GNAQ: variants seen among roughly 807,000 people sequenced by gnomAD.
The protein encoded by GNAQ is G protein subunit alpha q.
In GNAQ, 8 loss-of-function variants were observed where a neutral mutation model predicts 43.9. The ratio of observed to expected loss-of-function variants is 0.18; its 90% CI spans 0.11 to 0.33. The LOEUF is 0.33. Among genes scored for constraint, GNAQ ranks in the 10% least tolerant of loss-of-function variants. GNAQ has a pLI of 1.00. For missense variants in GNAQ, 158 were observed against 450.8 expected, an observed-to-expected ratio of 0.35 and a Z score of 5.88; for synonymous variants, 155 against 170.7, an observed-to-expected ratio of 0.91 and a Z score of 0.71.
In GNAQ at chr9:78,031,748, T is replaced by C. The variant is rs1360939018; in HGVS notation, c.-513A>G. Among the ~76,000 whole-genome samples, 5 of 143,210 alleles carry C rather than the reference T, an allele frequency of 3.5e-5. No homozygotes were observed. Among genetic ancestry groups the C allele is most frequent in the Non-Finnish European group, 6.1e-5 (4 of 65,044 alleles). The allele number at this position is 143,210 out of a possible 152,430, so 94.0% of individuals were successfully genotyped here. On this transcript the variant is annotated 5_prime_UTR_variant, in exon 1 of 7. Coordinates refer to ENST00000286548, the MANE Select transcript of GNAQ (RefSeq NM_002072.5). ...CGCCTGACACGGCTCCCGGGCGCCC[T>C]CGGCCCTGTCCGCGCCCACCGCCCG...
At chr9:77,788,909 C>T (rs1419929850) in intron 5 of GNAQ, among the ~76,000 whole-genome samples, 1 of 152,162 alleles carries the variant, frequency 6.6e-6, no homozygotes, top group Non-Finnish European at 1.5e-5. Context: ...GATTTACTTC[C>T]TTCCATGGCA....
chr9:77,888,738 GA>G (rs1259131972), intron 2 of GNAQ, among the ~76,000 whole-genome samples: 3 of 152,132 alleles, frequency 2.0e-5, no homozygotes, highest in African/African-American at 7.2e-5. Flanking sequence ...TGAGGTTTAT[GA>G]GAAAGATGAG....
At chr9:77,916,444 A>G (rs1017899055) in intron 2 of GNAQ, among the ~76,000 whole-genome samples, 1 of 152,188 alleles carries the variant, frequency 6.6e-6, no homozygotes. Context: ...GTTTTCCAGA[A>G]TCCTGGCTAC....
At position 77,815,766 on chromosome 9, in the gene GNAQ, T is replaced by C. The variant is rs761095319; in HGVS notation, c.326A>G (p.His109Arg). 1.2e-6 allele frequency: 2 copies of C among 1,606,996 alleles called. No homozygotes were observed. The highest frequency in any genetic ancestry group is 1.3e-5 in the African/African-American group (1 of 74,512). The change falls in exon 3 of 7, where the codon CAT (histidine) becomes CGT (arginine). Residue 109 changes from histidine to arginine, a missense_variant. Physicochemically the swap from His to Arg is conservative, Grantham distance 29. Around this residue, in one of 9 missense-constraint regions of GNAQ, gnomAD observed 57 missense variants for 78.2 expected, o/e 0.73. Transcript: ENST00000286548. ...IPYKYEHNKAHAQLVREVDVE... is the reference protein window; with the variant it reads ...IPYKYEHNKARAQLVREVDVE... ...ATCAACTTCTCGAACTAATTGTGCA[T>C]GAGCCTGTTTAAATAAAAAAAGGCA...
At chr9:77,812,472 C>T (rs569380348) in intron 3 of GNAQ, among the ~76,000 whole-genome samples, 1 of 152,214 alleles carries the variant, frequency 6.6e-6, no homozygotes, top group South Asian at 2.1e-4. Flanking sequence ...TCAATGAGAT[C>T]CAGGAGCAAG....
chr9:78,020,172 A>C (rs1168469510), intron 1 of GNAQ, among the ~76,000 whole-genome samples: 1 of 152,110 alleles, frequency 6.6e-6, no homozygotes, highest in Admixed American at 6.5e-5. Context: ...GCCGTGGGAA[A>C]CTGAGAGCCA....
intron 1 of GNAQ, among the ~76,000 whole-genome samples, chr9:77,997,242 T>C (rs1421901803): frequency 6.6e-6 from 1 of 152,250 alleles, no homozygotes; most frequent in Non-Finnish European, 1.5e-5. Context: ...AGGTAACTTC[T>C]ATGAGTATTC....
intron 1 of GNAQ, among the ~76,000 whole-genome samples, chr9:77,991,197 AGGTG>A (rs1823502757): frequency 6.6e-6 from 1 of 152,248 alleles, no homozygotes; most frequent in African/African-American, 2.4e-5. Flanking sequence ...AAAGCAAAGC[AGGTG>A]GGTTTAAAAG....
chr9:77,776,633 C>G (rs185197982), intron 5 of GNAQ, among the ~76,000 whole-genome samples: 1 of 152,276 alleles, frequency 6.6e-6, no homozygotes, highest in Non-Finnish European at 1.5e-5. Flanking sequence ...GACAATTCAA[C>G]AACAGTTTGA....
At position 77,984,049 on chromosome 9, in the gene GNAQ, CAAAAAAAA is replaced by C. The variant is rs72279886; in HGVS notation, c.136+47043_136+47050del. On this transcript the variant is annotated intron_variant, in intron 1 of 6. Transcript: ENST00000286548. Reference sequence around the variant, plus strand: ...CATATGCAAGTAGAATTTTGGAGAGCAAAAAAAAAAAAAAAAAAAAAAAAAAATCACCT... The same window carrying C: ...CATATGCAAGTAGAATTTTGGAGAGCAAAAAAAAAAAAAAAAAAATCACCT... Among the ~76,000 whole-genome samples, 521 of 67,978 alleles carry C rather than the reference CAAAAAAAA, an allele frequency of 7.7e-3. 10 individuals are homozygous for C. Among genetic ancestry groups the C allele is most frequent in the African/African-American group, 0.028 (501 of 17,998 alleles). The allele number at this position is 67,978 out of a possible 152,430, so 44.6% of individuals were successfully genotyped here. A position where few individuals can be genotyped will look rare whatever the true frequency, so the allele number is the denominator to read the frequency against.
chr9:77,732,370 C>T (rs1825507496), intron 5 of GNAQ, among the ~76,000 whole-genome samples: 1 of 148,200 alleles, frequency 6.7e-6, no homozygotes, highest in African/African-American at 2.5e-5. Flanking sequence ...GGTCCCCCTC[C>T]CTGCCCACCC....
At chr9:77,762,446 G>T (rs1826056494) in intron 5 of GNAQ, among the ~76,000 whole-genome samples, 1 of 137,170 alleles carries the variant, frequency 7.3e-6, no homozygotes, top group African/African-American at 2.9e-5. Flanking sequence ...CCCCCCGCCT[G>T]GCCAGCCGCC....
At chr9:77,969,410 A>C (rs1823208938) in intron 1 of GNAQ, among the ~76,000 whole-genome samples, 1 of 152,204 alleles carries the variant, frequency 6.6e-6, no homozygotes, top group African/African-American at 2.4e-5. Flanking sequence ...TTACTGCCCA[A>C]GATCTTGCCT....
intron 5 of GNAQ, among the ~76,000 whole-genome samples, chr9:77,759,971 G>C (rs1825967044): frequency 6.9e-6 from 1 of 145,066 alleles, no homozygotes; most frequent in East Asian, 2.0e-4. Flanking sequence ...TGTTGCCCAG[G>C]CTGGTCTCAA....
At chr9:77,761,744 G>A (rs1826030562) in intron 5 of GNAQ, among the ~76,000 whole-genome samples, 4 of 70,582 alleles carry the variant, frequency 5.7e-5, no homozygotes, top group Admixed American at 4.7e-4. Context: ...CCCCCGCCCG[G>A]CCAGCCGCCC....
At chr9:78,006,948 T>C (rs1013357197) in intron 1 of GNAQ, among the ~76,000 whole-genome samples, 10 of 152,198 alleles carry the variant, frequency 6.6e-5, no homozygotes, top group African/African-American at 2.4e-4. Context: ...AAATGAGAGA[T>C]GAGCCAAGTA....
intron 1 of GNAQ, among the ~76,000 whole-genome samples, chr9:77,944,989 A>G (rs1447691710): frequency 6.6e-6 from 1 of 152,226 alleles, no homozygotes. Context: ...GAATTCAGCA[A>G]GGCGGCTGGG....
intron 2 of GNAQ, among the ~76,000 whole-genome samples, chr9:77,856,493 A>G (rs987332237): frequency 1.3e-5 from 2 of 152,194 alleles, no homozygotes; most frequent in African/African-American, 4.8e-5. Flanking sequence ...TTCTAGAGTA[A>G]GTGAATAATA....
intron 2 of GNAQ, among the ~76,000 whole-genome samples, chr9:77,853,252 T>C (rs1304751687): frequency 6.6e-6 from 1 of 152,166 alleles, no homozygotes; most frequent in Non-Finnish European, 1.5e-5. Flanking sequence ...TTAATGCTAC[T>C]ATGTGGCTCT....
Sources: gnomAD v4.1 joint callset for allele counts (sites outside exome capture counted in the v4.1 genomes callset) on GRCh38, gnomAD v4.1.1 for gene constraint, gnomAD v4.1.1 regional missense constraint, MANE v1.5 for transcripts, NCBI Gene and HGNC (gene_info 2026-07-23, HGNC 2026-07-21) for gene names.